Variants in PACSIN2 observed in about 807,000 individuals in gnomAD.
PACSIN2 encodes the protein protein kinase C and casein kinase substrate in neurons 2.
A neutral mutation model predicts 63.8 loss-of-function variants in PACSIN2; 25 were observed. That is an observed-to-expected ratio of 0.39 (90% CI 0.29 to 0.55). The LOEUF (loss-of-function observed/expected upper bound fraction) is 0.55, where lower values mean the gene tolerates loss of function less well. PACSIN2 is among the 20% of genes least tolerant of loss of function. The probability of loss-of-function intolerance (pLI) is 0.62; values close to 1 mark genes in which losing one functional copy is unlikely to be tolerated. For synonymous variants in PACSIN2, 255 were observed against 256.2 expected (o/e 1.00, Z 0.05); for missense variants, 518 against 646.9 (o/e 0.80, Z 2.16).
chr22:42,989,405 G>C (rs1922851710), intron 1 of PACSIN2, among the ~76,000 whole-genome samples: 1 of 151,684 alleles, frequency 6.6e-6, no homozygotes, highest in African/African-American at 2.4e-5. Flanking sequence ...GGCTGAGGCA[G>C]GAGAATCGCT....
At chr22:42,943,427 T>C (rs1031834126) in intron 1 of PACSIN2, among the ~76,000 whole-genome samples, 3 of 152,220 alleles carry the variant, frequency 2.0e-5, no homozygotes, top group South Asian at 2.1e-4. Flanking sequence ...CAGTACAATA[T>C]TGAGCAGAAG....
chr22:42,890,327 T>C, intron 4 of PACSIN2, among the ~76,000 whole-genome samples: 1 of 152,148 alleles, frequency 6.6e-6, no homozygotes, highest in African/African-American at 2.4e-5. Context: ...AGCAGACACT[T>C]CCCCAGGGTT....
intron 1 of PACSIN2, among the ~76,000 whole-genome samples, chr22:42,953,685 TA>T (rs1933796669): frequency 1.3e-5 from 2 of 152,304 alleles, no homozygotes; most frequent in South Asian, 4.1e-4. Flanking sequence ...CTGAAGAAAC[TA>T]AAACTCCGAG....
At position 42,871,586 on chromosome 22, in the gene PACSIN2, G is replaced by A. The variant is rs796328346; in HGVS notation, c.1349-117C>T. The A allele has an allele frequency of 4.2e-5, 33 of 787,348 alleles. No individual in the cohort carries two copies. The African/African-American group carries it at 5.3e-4, about 13-fold the overall frequency. 48.8% of individuals were successfully genotyped at this position (787,348 alleles called of 1,614,324 possible). ...GTGGAGGGCCAGGCATTCTGTGGCGGGCAGGCCGAGGGCCTGGTCATTTCT... is the reference window on the plus strand; with the variant it reads ...GTGGAGGGCCAGGCATTCTGTGGCGAGCAGGCCGAGGGCCTGGTCATTTCT... On this transcript the variant is annotated intron_variant, in intron 10 of 10. Transcript: ENST00000263246. The surrounding 1 kb of genome is among the most constrained non-coding windows in gnomAD (Gnocchi z 5.4).
intron 7 of PACSIN2, among the ~76,000 whole-genome samples, chr22:42,879,470 G>C (rs1235781826): frequency 6.6e-6 from 1 of 152,192 alleles, no homozygotes; most frequent in Non-Finnish European, 1.5e-5. Flanking sequence ...GACCAGCGGG[G>C]GTGGCGAGGA....
chr22:42,910,635 C>T (rs908909875), intron 2 of PACSIN2, among the ~76,000 whole-genome samples: 1 of 152,340 alleles, frequency 6.6e-6, no homozygotes, highest in Middle Eastern at 3.4e-3. Flanking sequence ...GGCTGGCGAC[C>T]TGTTTGGCTG....
rs1240160790 is a variant in PACSIN2 at position 42,891,088 on chromosome 22, C to T, written c.312G>A (p.Leu104=). The stretch of plus-strand genomic sequence containing the variant: ...TGATCTTCTCGAAGTCATCGTTCAT[C>T]AGTGAGGCCTTCACCTCGAGGTGCA... ...SELHLEVKAS[L]MNDDFEKIKN... The change falls in exon 4 of 11, where the codon CTG becomes CTA. Residue 104 remains leucine, a synonymous_variant. Transcript: ENST00000263246. 1 of 1,614,182 alleles carries T rather than the reference C, an allele frequency of 6.2e-7. No homozygotes were observed. Among genetic ancestry groups the T allele is most frequent in the Non-Finnish European group, 8.5e-7 (1 of 1,180,026 alleles).
At position 42,888,789 on chromosome 22, in the gene PACSIN2, CT is replaced by C. The variant is rs1569225349; in HGVS notation, c.462del (p.Ala155GlnfsTer40). 6.2e-7 allele frequency: 1 copy of C among 1,614,196 alleles called. No individual in the cohort carries two copies. The highest frequency in any genetic ancestry group is 2.2e-5 in the East Asian group (1 of 44,892). ...CACGCTGCATGGTGGGCTTTCTTTG[CT>C]GCTTCTACCTACAGGGAGAATGAGT... Reference protein sequence around the residue: ...PWAKKLKEVEAAKKAHHAACK... With the variant: ...PWAKKLKEVEXAKKAHHAACK... On this transcript the variant is annotated frameshift_variant, in exon 5 of 11. Coordinates refer to ENST00000263246, the MANE Select transcript of PACSIN2 (RefSeq NM_001184970.3). LOFTEE classifies it high-confidence loss of function.
At chr22:42,945,478 C>T (rs1269043022) in intron 1 of PACSIN2, among the ~76,000 whole-genome samples, 1 of 152,166 alleles carries the variant, frequency 6.6e-6, no homozygotes, top group Non-Finnish European at 1.5e-5. Context: ...CTGGATGCCT[C>T]CACTTGGCCA....
chr22:42,879,542 C>G (rs1007871349), intron 7 of PACSIN2, among the ~76,000 whole-genome samples: 1 of 152,192 alleles, frequency 6.6e-6, no homozygotes, highest in African/African-American at 2.4e-5. Flanking sequence ...CAGTCCCAGC[C>G]CCCTCAGGCC....
intron 1 of PACSIN2, among the ~76,000 whole-genome samples, chr22:42,931,424 A>G (rs1012988913): frequency 6.6e-6 from 1 of 152,230 alleles, no homozygotes; most frequent in African/African-American, 2.4e-5. Flanking sequence ...CACCAAGGTG[A>G]ACCTTGGATG....
intron 1 of PACSIN2, among the ~76,000 whole-genome samples, chr22:42,923,388 C>G (rs1932322212): frequency 6.6e-6 from 1 of 152,176 alleles, no homozygotes; most frequent in African/African-American, 2.4e-5. Flanking sequence ...CTGCTCACCT[C>G]CACTAAGCTA....
At chr22:42,894,927 AG>A (rs3831705) in intron 2 of PACSIN2, among the ~76,000 whole-genome samples, 26,463 of 152,024 alleles carry the variant, frequency 0.17, 3,645 homozygotes, top group East Asian at 0.55. Context: ...GGGCAAGGGG[AG>A]GGAAGGGGGC....
At chr22:42,971,212 A>C (rs1010262942) in intron 1 of PACSIN2, among the ~76,000 whole-genome samples, 11 of 152,042 alleles carry the variant, frequency 7.2e-5, no homozygotes, top group South Asian at 4.1e-4. Context: ...CAGCCTGCCA[A>C]GCGCCTGGGA....
chr22:43,002,987 T>G (rs568145021), intron 1 of PACSIN2, among the ~76,000 whole-genome samples: 3 of 152,338 alleles, frequency 2.0e-5, no homozygotes, highest in Admixed American at 6.5e-5. Flanking sequence ...ATCTCTCCCA[T>G]CTACAAACTG....
chr22:42,970,329 C>T (rs994560215), intron 1 of PACSIN2, among the ~76,000 whole-genome samples: 1 of 152,192 alleles, frequency 6.6e-6, no homozygotes, highest in Non-Finnish European at 1.5e-5. Context: ...AATTCATCCA[C>T]CAATCTAATA....
chr22:42,941,701 G>A (rs142354837), intron 1 of PACSIN2, among the ~76,000 whole-genome samples: 1 of 152,278 alleles, frequency 6.6e-6, no homozygotes, highest in African/African-American at 2.4e-5. Flanking sequence ...TTGAAGAAAC[G>A]TCGGTTTAGA....
chr22:42,882,619 C>A (rs1054201688), intron 6 of PACSIN2, among the ~76,000 whole-genome samples: 1 of 152,248 alleles, frequency 6.6e-6, no homozygotes, highest in Non-Finnish European at 1.5e-5. Context: ...TCCCATTTCA[C>A]CAGGCCCAGA....
chr22:42,905,410 G>A (rs1931004812), intron 2 of PACSIN2, among the ~76,000 whole-genome samples: 1 of 152,250 alleles, frequency 6.6e-6, no homozygotes, highest in South Asian at 2.1e-4. Context: ...TGCCATGCAG[G>A]TGTCCTGTGA....
Sources: allele counts gnomAD v4.1 joint callset (sites outside exome capture counted in the v4.1 genomes callset), GRCh38; gene constraint gnomAD v4.1.1; non-coding constraint Gnocchi (gnomAD v3.1); transcripts MANE v1.5; gene names NCBI Gene and HGNC (gene_info 2026-07-23, HGNC 2026-07-21).